Variants in IQGAP2 observed in about 807,000 individuals in gnomAD.
The protein encoded by IQGAP2 is ras GTPase-activating-like protein IQGAP2.
A neutral mutation model predicts 201.3 loss-of-function variants in IQGAP2; 173 were observed. The observed-to-expected ratio is 0.86, with a 90% confidence interval of 0.76 to 0.98. The LOEUF (loss-of-function observed/expected upper bound fraction) is 0.98, where lower values mean the gene tolerates loss of function less well. IQGAP2 is among the 50% of genes least tolerant of loss of function. The pLI, the probability that IQGAP2 is intolerant of heterozygous loss-of-function variation, is 0.00. For missense variants in IQGAP2, 1,687 were observed against 1,864.8 expected, an observed-to-expected ratio of 0.90 and a Z score of 1.76; for synonymous variants, 675 against 673.9, an observed-to-expected ratio of 1.00 and a Z score of -0.03.
intron 2 of IQGAP2, among the ~76,000 whole-genome samples, chr5:76,479,895 GT>G (rs1228449537): frequency 2.0e-5 from 3 of 151,116 alleles, no homozygotes; most frequent in Non-Finnish European, 4.4e-5. Context: ...GTGTGTGTTG[GT>G]TTTGAGAGAC....
intron 31 of IQGAP2, chr5:76,693,962 G>T (rs1037257319): frequency 6.6e-6 from 1 of 152,144 alleles, no homozygotes; most frequent in South Asian, 2.1e-4. Context: ...TTGAAAATAC[G>T]TCATTGTTCG....
At chr5:76,638,358 G>A (rs958197972) in intron 16 of IQGAP2, among the ~76,000 whole-genome samples, 11 of 152,044 alleles carry the variant, frequency 7.2e-5, no homozygotes, top group East Asian at 5.8e-4. Context: ...CAGCCTGGGC[G>A]ACAAGAGCTA....
Position 76,590,451 on chromosome 5 carries a change from A to C in IQGAP2, c.684A>C (p.Gly228=). 1 of 1,613,396 alleles carries C rather than the reference A, an allele frequency of 6.2e-7. No individual in the cohort carries two copies. Among genetic ancestry groups the C allele is most frequent in the African/African-American group, 1.3e-5 (1 of 75,020 alleles). ...VIAINEAVEK[G]IAEQTVVTLR... ...CCATTAATGAAGCAGTTGAAAAAGG[A>C]ATAGCAGAGCAAACCGTTGTAACAC... Residue 228 remains glycine, a synonymous_variant, in exon 8 of 36, where the codon GGA becomes GGC. Coordinates refer to ENST00000274364, the MANE Select transcript of IQGAP2 (RefSeq NM_006633.5).
intron 1 of IQGAP2, among the ~76,000 whole-genome samples, chr5:76,455,442 A>T (rs1271577073): frequency 7.4e-6 from 1 of 134,394 alleles, no homozygotes; most frequent in Non-Finnish European, 1.6e-5. Context: ...AACAAGAGCG[A>T]GACTCTGTCT....
rs554806571 is a variant in IQGAP2 at position 76,702,793 on chromosome 5, G to A, written c.4614+203G>A. On this transcript the variant is annotated intron_variant, in intron 35 of 35. Coordinates refer to ENST00000274364, the MANE Select transcript of IQGAP2 (RefSeq NM_006633.5). ...TTGGAAATTGATATGCTTCTAGCTGGCAAACCATAGCAGTCAGTTTCTCTA... is the reference window on the plus strand; with the variant it reads ...TTGGAAATTGATATGCTTCTAGCTGACAAACCATAGCAGTCAGTTTCTCTA... 1.2e-4 allele frequency among the ~76,000 whole-genome samples: 16 copies of A among 134,458 alleles called. No individual in the cohort carries two copies. The South Asian group carries it at 3.3e-3, about 28-fold the overall frequency. The allele number at this position is 134,458 out of a possible 152,430, so 88.2% of individuals were successfully genotyped here. A position where few individuals can be genotyped will look rare whatever the true frequency, so the allele number is the denominator to read the frequency against.
chr5:76,694,618 C>G (rs1013363650), intron 31 of IQGAP2, among the ~76,000 whole-genome samples: 7 of 152,192 alleles, frequency 4.6e-5, no homozygotes, highest in African/African-American at 1.7e-4. Context: ...ACATCTGTAT[C>G]TGGTGCACAT....
At chr5:76,420,748 A>G (rs1252919940) in intron 1 of IQGAP2, among the ~76,000 whole-genome samples, 1 of 152,192 alleles carries the variant, frequency 6.6e-6, no homozygotes, top group Non-Finnish European at 1.5e-5. Context: ...CTCTCCTCCC[A>G]GCACTGGATA....
At chr5:76,429,571 CA>C (rs1302350272) in intron 1 of IQGAP2, among the ~76,000 whole-genome samples, 27 of 119,268 alleles carry the variant, frequency 2.3e-4, no homozygotes, top group South Asian at 2.6e-4. Flanking sequence ...GACTCTGTCT[CA>C]AAAAAAAATT....
At chr5:76,597,987 A>AT (rs1487188838) in intron 10 of IQGAP2, among the ~76,000 whole-genome samples, 2 of 152,208 alleles carry the variant, frequency 1.3e-5, no homozygotes, top group Non-Finnish European at 2.9e-5. Flanking sequence ...GAAACTGCAA[A>AT]TAAGACCATT....
At chr5:76,699,422 A>G (rs11951902) in intron 33 of IQGAP2, 12 of 152,038 alleles carry the variant, frequency 7.9e-5, no homozygotes, top group African/African-American at 2.4e-4. Context: ...TAGTGCTGCA[A>G]TGAAGATGGG....
intron 35 of IQGAP2, among the ~76,000 whole-genome samples, chr5:76,706,350 G>T (rs1335894494): frequency 7.2e-6 from 1 of 138,904 alleles, no homozygotes; most frequent in Admixed American, 7.2e-5. Context: ...TTTTGTTTTT[G>T]TTTTTCGGGT....
intron 5 of IQGAP2, among the ~76,000 whole-genome samples, chr5:76,579,663 AT>A (rs902401808): frequency 1.6e-3 from 236 of 150,298 alleles, no homozygotes; most frequent in African/African-American, 3.5e-3. Flanking sequence ...CCTTTTAAAT[AT>A]TTTTTTTTTA....
rs190918834 is a variant in IQGAP2, at chr5:76,585,969, T to C, written c.459-2937T>C. Among the ~76,000 whole-genome samples, 202 of 152,332 alleles carry C rather than the reference T, an allele frequency of 1.3e-3. 1 individual carries two copies. The highest frequency in any genetic ancestry group is 4.8e-3 in the African/African-American group (198 of 41,578). On this transcript the variant is annotated intron_variant, in intron 5 of 35. Transcript: ENST00000274364. ...TGACATTTCATTGTTCCAAGTAATA[T>C]GAGCACCCTTTTAACTGGAATTTTT...
At chr5:76,441,864 G>A (rs115815231) in intron 1 of IQGAP2, among the ~76,000 whole-genome samples, 2,934 of 152,264 alleles carry the variant, frequency 0.019, 106 homozygotes, top group African/African-American at 0.065. Flanking sequence ...CAGCAGAATG[G>A]CACATGTGGA....
At chr5:76,465,101 C>T in intron 2 of IQGAP2, among the ~76,000 whole-genome samples, 1 of 152,142 alleles carries the variant, frequency 6.6e-6, no homozygotes, top group East Asian at 1.9e-4. Flanking sequence ...ATACCAAAAC[C>T]AGATAGCCAT....
intron 13 of IQGAP2, chr5:76,624,268 CA>C (rs1750017172): frequency 6.6e-6 from 1 of 151,954 alleles, no homozygotes; most frequent in South Asian, 2.1e-4. Flanking sequence ...ACTTAATATA[CA>C]GTAAAAAAAT....
chr5:76,541,912 C>G (rs1742801471), intron 2 of IQGAP2, among the ~76,000 whole-genome samples: 1 of 152,162 alleles, frequency 6.6e-6, no homozygotes, highest in Admixed American at 6.5e-5. Flanking sequence ...GTTTCATCTC[C>G]TTTGAAATAC....
chr5:76,644,187 A>C (rs1001215518), intron 17 of IQGAP2, among the ~76,000 whole-genome samples: 2 of 152,068 alleles, frequency 1.3e-5, no homozygotes, highest in Non-Finnish European at 2.9e-5. Context: ...CTCTGCACAG[A>C]AAATATATTT....
chr5:76,412,321 G>T (rs1751171506), intron 1 of IQGAP2, among the ~76,000 whole-genome samples: 1 of 152,048 alleles, frequency 6.6e-6, no homozygotes, highest in Non-Finnish European at 1.5e-5. Context: ...AAAAATTAGG[G>T]TGGTTTATTT....
Sources: allele counts gnomAD v4.1 joint callset (sites outside exome capture counted in the v4.1 genomes callset), GRCh38; gene constraint gnomAD v4.1.1; transcripts MANE v1.5; gene names NCBI Gene and HGNC (gene_info 2026-07-23, HGNC 2026-07-21).